Variants in PRKCB observed in about 807,000 individuals in gnomAD.
The protein encoded by PRKCB is protein kinase C beta.
Under a neutral mutation model 81.5 loss-of-function variants are expected in PRKCB, and 13 were observed. That is an observed-to-expected ratio of 0.16 (90% CI 0.10 to 0.25). The LOEUF is 0.25. PRKCB is among the 10% of genes least tolerant of loss of function. The probability of loss-of-function intolerance (pLI) is 1.00; values close to 1 mark genes in which losing one functional copy is unlikely to be tolerated. For synonymous variants in PRKCB, 335 were observed against 321.4 expected (o/e 1.04, Z -0.45); for missense variants, 509 against 875.7 (o/e 0.58, Z 5.29).
At chr16:23,899,644 C>CTCTCTG (rs1458482493) in intron 2 of PRKCB, among the ~76,000 whole-genome samples, 4 of 5,808 alleles carry the variant, frequency 6.9e-4, no homozygotes, top group African/African-American at 8.5e-4. Context: ...CTCTCTCTCT[C>CTCTCTG]TGTGTGTGTG....
chr16:24,112,556 T>TAAC (rs755867016), intron 7 of PRKCB, among the ~76,000 whole-genome samples: 8 of 151,838 alleles, frequency 5.3e-5, no homozygotes, highest in Non-Finnish European at 7.4e-5. Flanking sequence ...ACAACAACAA[T>TAAC]AACAACAACA....
chr16:24,035,654 T>G, intron 5 of PRKCB, 107 bp downstream of exon 5: 10 of 413,538 alleles, frequency 2.4e-5, no homozygotes, highest in Non-Finnish European at 2.8e-5. Flanking sequence ...GGTGGGGCAG[T>G]CCAGGGACGG....
Position 23,852,371 on chromosome 16 carries a change from G to A in PRKCB, c.205+14965G>A, listed in dbSNP as rs192910818. Among the ~76,000 whole-genome samples, 11 of 152,058 alleles carry A rather than the reference G, an allele frequency of 7.2e-5. No homozygotes were observed. The East Asian group carries it at 2.1e-3, about 29-fold the overall frequency. ...TTTTTTTTCCTGCATCTATTGAGAT[G>A]ATCATATGATTTTTATCCTTTATTT... On this transcript the variant is annotated intron_variant, in intron 2 of 16. Coordinates refer to ENST00000643927, the MANE Select transcript of PRKCB (RefSeq NM_002738.7).
chr16:24,105,191 G>A (rs1596549526), intron 7 of PRKCB, among the ~76,000 whole-genome samples: 1 of 151,940 alleles, frequency 6.6e-6, no homozygotes, highest in East Asian at 1.9e-4. Context: ...CGAGTAGCAG[G>A]GATTACAGGC....
At chr16:23,865,265 TTGTGTGTGTGTGTG>T (rs57426992) in intron 2 of PRKCB, among the ~76,000 whole-genome samples, 3 of 129,148 alleles carry the variant, frequency 2.3e-5, no homozygotes, top group Admixed American at 7.8e-5. Flanking sequence ...TCTGTTTTGT[TTGTGTGTGTGTGTG>T]TGTGTGTGTG....
intron 2 of PRKCB, among the ~76,000 whole-genome samples, chr16:23,872,658 T>C (rs921085522): frequency 3.5e-4 from 53 of 152,158 alleles, no homozygotes; most frequent in Non-Finnish European, 6.9e-4. Context: ...TGTGCCTCAG[T>C]TTTTCACCTA....
At chr16:24,154,644 C>A in intron 9 of PRKCB, 40 bp from the exon 10 acceptor site, 1 of 1,606,416 alleles carries the variant, frequency 6.2e-7, no homozygotes, top group Non-Finnish European at 8.5e-7. Flanking sequence ...GGCCCCCAGA[C>A]TCCTTCCAAC....
At chr16:24,032,322 G>A in intron 4 of PRKCB, 75 bp downstream of exon 4, 1 of 1,072,046 alleles carries the variant, frequency 9.3e-7, no homozygotes, top group Non-Finnish European at 1.4e-6. Flanking sequence ...CTTGGTTTGG[G>A]GTCCAGGTCT....
At chr16:24,150,994 A>G (rs1299438916) in intron 9 of PRKCB, among the ~76,000 whole-genome samples, 1 of 152,244 alleles carries the variant, frequency 6.6e-6, no homozygotes, top group Non-Finnish European at 1.5e-5. Flanking sequence ...GTACAAATGC[A>G]ATAGTATCTC....
chr16:24,027,492 C>G (rs1055445154), intron 3 of PRKCB, among the ~76,000 whole-genome samples: 1 of 152,060 alleles, frequency 6.6e-6, no homozygotes, highest in African/African-American at 2.4e-5. Flanking sequence ...GTTACTAGGA[C>G]GGCACCTCAA....
chr16:23,867,024 C>A (rs1962809801), intron 2 of PRKCB, among the ~76,000 whole-genome samples: 1 of 87,910 alleles, frequency 1.1e-5, no homozygotes, highest in Admixed American at 1.1e-4. Flanking sequence ...TTCCTTCCTT[C>A]CTTCCTTCCT....
intron 3 of PRKCB, among the ~76,000 whole-genome samples, chr16:24,010,433 G>A (rs1427575991): frequency 6.6e-6 from 1 of 152,114 alleles, no homozygotes; most frequent in Admixed American, 6.5e-5. Context: ...TTCTGCATTC[G>A]TAGGTGGGGA....
At chr16:23,987,506 C>T (rs1196518827) in intron 2 of PRKCB, among the ~76,000 whole-genome samples, 2 of 152,052 alleles carry the variant, frequency 1.3e-5, no homozygotes, top group African/African-American at 2.4e-5. Context: ...AGACTTGAAC[C>T]AATCATATTT....
intron 7 of PRKCB, among the ~76,000 whole-genome samples, chr16:24,109,106 C>G (rs1451059181): frequency 5.5e-4 from 79 of 142,436 alleles, no homozygotes; most frequent in African/African-American, 1.8e-3. Context: ...TAGGGGCGGC[C>G]GGGCAGAGGC....
intron 2 of PRKCB, among the ~76,000 whole-genome samples, chr16:23,949,529 T>C (rs1964248453): frequency 6.6e-6 from 1 of 152,246 alleles, no homozygotes; most frequent in Non-Finnish European, 1.5e-5. Context: ...TTTCTCTACC[T>C]TCTATCGTTT....
At chr16:24,092,695 A>T in intron 5 of PRKCB, 96 bp from the exon 6 acceptor site, 1 of 1,219,302 alleles carries the variant, frequency 8.2e-7, no homozygotes, top group Non-Finnish European at 1.2e-6. Context: ...AACAAGTGTG[A>T]TGCCAAAGAA....
chr16:24,220,061 A>G lies in PRKCB; in HGVS notation c.*5245A>G, dbSNP rs1968298990. On this transcript the variant is annotated 3_prime_UTR_variant, in exon 17 of 17. Coordinates refer to ENST00000643927, the MANE Select transcript of PRKCB (RefSeq NM_002738.7). Reference sequence around the variant, plus strand: ...CTCTTCATCATGAACTTGGACCAAAATGAATTTGCTGGCTTCTCTTATACT... The same window carrying G: ...CTCTTCATCATGAACTTGGACCAAAGTGAATTTGCTGGCTTCTCTTATACT... 1 of 1,614,180 alleles carries G rather than the reference A, an allele frequency of 6.2e-7. No individual in the cohort carries two copies. Among genetic ancestry groups the G allele is most frequent in the African/African-American group, 1.3e-5 (1 of 75,050 alleles).
At chr16:24,142,849 T>C (rs547000051) in intron 9 of PRKCB, among the ~76,000 whole-genome samples, 5 of 152,170 alleles carry the variant, frequency 3.3e-5, no homozygotes, top group Admixed American at 3.3e-4. Flanking sequence ...GATCTTAAGA[T>C]AGAGGGAGGG....
rs549880049 is a variant in PRKCB, at chr16:24,103,963, G to A, written c.822-9010G>A. Among the ~76,000 whole-genome samples, 11 of 152,204 alleles carry A rather than the reference G, an allele frequency of 7.2e-5. No individual in the cohort carries two copies. The South Asian group carries it at 1.9e-3, about 26-fold the overall frequency. ...TGGGATTACAGGCATGTGCCACCAC[G>A]CTCAGCTAATTTTGTATTTTTAGTA... On this transcript the variant is annotated intron_variant, in intron 7 of 16. Transcript: ENST00000643927.
Sources: gnomAD v4.1 joint callset for allele counts (sites outside exome capture counted in the v4.1 genomes callset) on GRCh38, gnomAD v4.1.1 for gene constraint, MANE v1.5 for transcripts, NCBI Gene and HGNC (gene_info 2026-07-23, HGNC 2026-07-21) for gene names.